Variants in STK3 observed in about 807,000 individuals in gnomAD.
STK3 encodes serine/threonine-protein kinase 3.
STK3 carries 41 observed loss-of-function variants against 58.0 expected under a neutral mutation model. The observed-to-expected ratio is 0.71, with a 90% CI of 0.55 to 0.92. The LOEUF is 0.92. Ranked by LOEUF, STK3 falls within the 40% of genes least tolerant of loss-of-function variation. The probability of loss-of-function intolerance (pLI) is 0.00; values close to 1 mark genes in which losing one functional copy is unlikely to be tolerated. For synonymous variants in STK3, 170 were observed against 191.0 expected (o/e 0.89, Z 0.91); for missense variants, 479 against 602.7 (o/e 0.79, Z 2.15).
chr8:98,427,660 GTCA>G (rs1021905918), intron 3 of STK3: 1 of 229,928 alleles, frequency 4.3e-6, no homozygotes, highest in African/African-American at 2.3e-5. Context: ...CATGGACAAG[GTCA>G]GCATGCAGCC....
At chr8:98,631,662 T>C (rs910227967) in intron 6 of STK3, among the ~76,000 whole-genome samples, 1 of 151,918 alleles carries the variant, frequency 6.6e-6, no homozygotes. Context: ...TAGTTTTCGT[T>C]TTTTTGTGTG....
At chr8:98,743,676 C>T (rs973500791) in intron 4 of STK3, among the ~76,000 whole-genome samples, 35 of 152,064 alleles carry the variant, frequency 2.3e-4, no homozygotes, top group African/African-American at 7.0e-4. Context: ...TAGGCATGGG[C>T]AAGGACTTCA....
chr8:98,585,952 C>T (rs1327561235), intron 7 of STK3, among the ~76,000 whole-genome samples: 1 of 152,066 alleles, frequency 6.6e-6, no homozygotes, highest in Non-Finnish European at 1.5e-5. Context: ...ATTTTGTATC[C>T]TGAAACTTTG....
rs576047130 is a variant in STK3, at chr8:98,695,373, G to T, written c.684+11094C>A. Among the ~76,000 whole-genome samples the T allele has an allele frequency of 6.8e-3, 1,031 of 152,140 alleles. 8 individuals are homozygous for T. Among genetic ancestry groups the T allele is most frequent in the African/African-American group, 0.023 (967 of 41,494 alleles). ...TAATTAGATCCCATTTGTCAATTTT[G>T]GCTTTTGTTGCCATTGCTTTTGGTG... On this transcript the variant is annotated intron_variant, in intron 6 of 10. Coordinates refer to ENST00000419617, the MANE Select transcript of STK3 (RefSeq NM_006281.4).
At chr8:98,601,101 G>A (rs1399791894) in intron 6 of STK3, among the ~76,000 whole-genome samples, 1 of 152,052 alleles carries the variant, frequency 6.6e-6, no homozygotes, top group African/African-American at 2.4e-5. Flanking sequence ...CCTGAGCTGA[G>A]AGGCTGAGGA....
At chr8:98,549,784 T>G (rs931208911) in intron 8 of STK3, among the ~76,000 whole-genome samples, 1 of 151,962 alleles carries the variant, frequency 6.6e-6, no homozygotes, top group Admixed American at 6.6e-5. Context: ...CTTTGGGAGG[T>G]CAGGGCAGAA....
At chr8:98,424,565 G>A (rs1245648366) in intron 3 of STK3, among the ~76,000 whole-genome samples, 2 of 152,182 alleles carry the variant, frequency 1.3e-5, no homozygotes, top group Non-Finnish European at 2.9e-5. Context: ...GGGTGGCCGT[G>A]GGTGTGGAAG....
chr8:98,582,457 T>C (rs1372450051), intron 7 of STK3, among the ~76,000 whole-genome samples: 12 of 152,140 alleles, frequency 7.9e-5, no homozygotes, highest in Non-Finnish European at 2.9e-5. Context: ...TTCTCCTATA[T>C]TAACCCCTAG....
At chr8:98,828,966 T>C (rs894864632), upstream of STK3, among the ~76,000 whole-genome samples, 5 of 152,226 alleles carry the variant, frequency 3.3e-5, no homozygotes, top group Non-Finnish European at 7.3e-5. Flanking sequence ...CTGGATAGCA[T>C]CCTTTTGGTC....
In STK3 at chr8:98,691,894, T is replaced by C. The variant is rs187667872; in HGVS notation, c.684+14573A>G. Among the ~76,000 whole-genome samples, 540 of 146,086 alleles carry C rather than the reference T, an allele frequency of 3.7e-3. 1 individual carries two copies. The highest frequency in any genetic ancestry group is 0.013 in the African/African-American group (518 of 39,080). ...TTGCAGTGAGCCGAGATCATGCCAC[T>C]ACACTCTAGCCTGGGTGACAGAGCA... is the stretch of plus-strand genomic sequence containing the variant. On this transcript the variant is annotated intron_variant, in intron 6 of 10. Coordinates refer to ENST00000419617, the MANE Select transcript of STK3 (RefSeq NM_006281.4).
chr8:98,445,585 T>C (rs1327465788), intron 1 of STK3, among the ~76,000 whole-genome samples: 2 of 152,216 alleles, frequency 1.3e-5, no homozygotes, highest in East Asian at 1.9e-4. Context: ...AGCTATTTTA[T>C]TATGTTTTAT....
At chr8:98,527,140 G>C (rs952070753) in intron 9 of STK3, among the ~76,000 whole-genome samples, 3 of 152,152 alleles carry the variant, frequency 2.0e-5, no homozygotes, top group African/African-American at 7.2e-5. Context: ...GGTCTGGAAT[G>C]TTTAGATTGT....
intron 6 of STK3, among the ~76,000 whole-genome samples, chr8:98,673,870 A>G (rs1418753573): frequency 6.6e-6 from 1 of 152,256 alleles, no homozygotes; most frequent in African/African-American, 2.4e-5. Flanking sequence ...CAGTAAATGT[A>G]CACTGTAATA....
intron 1 of STK3, chr8:98,782,711 TAAA>T (rs376476007): frequency 0.011 from 1,259 of 116,980 alleles, 6 homozygotes; most frequent in African/African-American, 0.037. Flanking sequence ...CTTTATCTGC[TAAA>T]AAAAAAAAAA....
intron 1 of STK3, among the ~76,000 whole-genome samples, chr8:98,928,148 T>C (rs182859744): frequency 3.2e-4 from 49 of 152,320 alleles, no homozygotes; most frequent in Middle Eastern, 6.8e-3. Context: ...CGCATGCCAT[T>C]GTTGTGGCAT....
intron 3 of STK3, among the ~76,000 whole-genome samples, chr8:98,850,937 A>T (rs1836445189): frequency 6.6e-6 from 1 of 152,124 alleles, no homozygotes; most frequent in South Asian, 2.1e-4. Flanking sequence ...GAGGGTGAGG[A>T]ACTCAATTAT....
intron 9 of STK3, among the ~76,000 whole-genome samples, chr8:98,529,944 T>C (rs777629488): frequency 6.6e-6 from 1 of 152,048 alleles, no homozygotes; most frequent in Non-Finnish European, 1.5e-5. Context: ...GTTATGGAAA[T>C]TGATGGTGGT....
chr8:98,863,994 A>C (rs974280120), intron 3 of STK3, among the ~76,000 whole-genome samples: 2 of 152,036 alleles, frequency 1.3e-5, no homozygotes, highest in African/African-American at 4.8e-5. Flanking sequence ...CAGGAGATGG[A>C]GACCATCCTG....
intron 9 of STK3, among the ~76,000 whole-genome samples, chr8:98,529,141 G>T (rs1174149134): frequency 6.6e-6 from 1 of 152,148 alleles, no homozygotes; most frequent in Non-Finnish European, 1.5e-5. Context: ...TAGTTGGGAC[G>T]AGCTTTAAGG....
Sources: allele counts gnomAD v4.1 joint callset (sites outside exome capture counted in the v4.1 genomes callset), GRCh38; gene constraint gnomAD v4.1.1; transcripts MANE v1.5; gene names NCBI Gene and HGNC (gene_info 2026-07-23, HGNC 2026-07-21).